The following HEATR1 variants were observed in gnomAD, a reference collection of about 807,000 sequenced individuals.
HEATR1 encodes the protein HEAT repeat-containing protein 1.
HEATR1 carries 77 observed loss-of-function variants against 248.2 expected under a neutral mutation model. That is an observed-to-expected ratio of 0.31 (90% confidence interval 0.26 to 0.37). The LOEUF (loss-of-function observed/expected upper bound fraction) is 0.37. Ranked by LOEUF, HEATR1 falls within the 10% of genes least tolerant of loss-of-function variation. The pLI, the probability that HEATR1 is intolerant of heterozygous loss-of-function variation, is 1.00. For synonymous variants in HEATR1, 897 were observed against 923.1 expected (o/e 0.97, Z 0.51); for missense variants, 2,420 against 2,504.9 (o/e 0.97, Z 0.72).
In HEATR1 at chr1:236,595,683, AG is replaced by A. The variant is rs776863990; in HGVS notation, c.957-11del. The A allele has an allele frequency of 1.1e-5, 18 of 1,608,876 alleles. No homozygotes were observed. In the East Asian group the frequency reaches 4.0e-4, roughly 36 times the overall value. ...TAAGTGAGGGAATGGCCTTTGAAGA[AG>A]CAAAAGTACATATCGTGTTGACTTT... On this transcript the variant is annotated splice_polypyrimidine_tract_variant and intron_variant, in intron 7 of 44. Transcript: ENST00000366582.
rs11338847 is a variant in HEATR1, at chr1:236,581,420, TAA to T, written c.2563-8_2563-7del. ...AAAACATCTTCTAGATGCACCTAAT[TAA>T]AAAAAAAAAAAAGCAAACTTTTAAT... On this transcript the variant is annotated splice_region_variant and splice_polypyrimidine_tract_variant and intron_variant, in intron 19 of 44. Coordinates refer to ENST00000366582, the MANE Select transcript of HEATR1 (RefSeq NM_018072.6). 0.012 allele frequency: 13,964 copies of T among 1,190,840 alleles called. 31 individuals are homozygous for T. The highest frequency in any genetic ancestry group is 0.044 in the African/African-American group (2,743 of 62,700). The allele number at this position is 1,190,840 out of a possible 1,614,324, so 73.8% of individuals were successfully genotyped here. A position where few individuals can be genotyped will look rare whatever the true frequency, so the allele number is the denominator to read the frequency against.
At chr1:236,579,067 T>C (rs1348924524) in intron 20 of HEATR1, among the ~76,000 whole-genome samples, 1 of 152,220 alleles carries the variant, frequency 6.6e-6, no homozygotes, top group Non-Finnish European at 1.5e-5. Context: ...TTGACAAGGT[T>C]TCAAACCTGC....
At chr1:236,593,216 AG>A (rs1408778722) in intron 9 of HEATR1, among the ~76,000 whole-genome samples, 2 of 151,978 alleles carry the variant, frequency 1.3e-5, no homozygotes, top group African/African-American at 2.4e-5. Flanking sequence ...AAAAAGGAAA[AG>A]AAACTAGAGT....
chr1:236,599,670 A>AAT (rs1261343426), intron 3 of HEATR1, 46 bp from the exon 4 acceptor site: 1 of 1,535,962 alleles, frequency 6.5e-7, no homozygotes, highest in East Asian at 2.3e-5. Flanking sequence ...AAACTTAATA[A>AAT]TAAGCACCTA....
At chr1:236,588,656 T>C (rs1663955774) in intron 12 of HEATR1, among the ~76,000 whole-genome samples, 1 of 152,242 alleles carries the variant, frequency 6.6e-6, no homozygotes. Context: ...TTTTTAAATA[T>C]AACAAATAAA....
intron 33 of HEATR1, among the ~76,000 whole-genome samples, chr1:236,560,706 GGAGA>G (rs1558179085): frequency 6.6e-6 from 1 of 152,166 alleles, no homozygotes; most frequent in African/African-American, 2.4e-5. Context: ...CGAGGACATG[GGAGA>G]GAAAGGAAAA....
Position 236,566,699 on chromosome 1 carries a change from G to C in HEATR1, c.4255C>G (p.Leu1419Val), listed in dbSNP as rs138927825. ...GTTTTTGTGACATACTGTTCAAAAA[G>C]CAAGATGAGGAGAATCCAGAGGAAT... is the stretch of plus-strand genomic sequence containing the variant. Reference protein sequence around the residue: ...EKFLWILLILLFEQYVTKTVL... With the variant: ...EKFLWILLILVFEQYVTKTVL... Residue 1419 changes from leucine (L) to valine (V), a missense_variant, in exon 30 of 45, where the codon CTT (leucine) becomes GTT (valine). Transcript: ENST00000366582. 2.0e-3 allele frequency: 3,218 copies of C among 1,614,078 alleles called. 7 individuals carry two copies. Among genetic ancestry groups the C allele is most frequent in the Non-Finnish European group, 2.4e-3 (2,802 of 1,179,992 alleles).
In HEATR1 at chr1:236,583,233, A is replaced by G. The variant is rs761490480; in HGVS notation, c.2242-37T>C. The G allele has an allele frequency of 3.9e-6, 6 of 1,532,752 alleles. No individual in the cohort carries two copies. The East Asian group carries it at 1.1e-4, about 29-fold the overall frequency. The allele number at this position is 1,532,752 out of a possible 1,614,324, so 94.9% of individuals were successfully genotyped here. A position where few individuals can be genotyped will look rare whatever the true frequency, so the allele number is the denominator to read the frequency against. On this transcript the variant is annotated intron_variant, in intron 17 of 44. Coordinates refer to ENST00000366582, the MANE Select transcript of HEATR1 (RefSeq NM_018072.6). ...AAGGAAACAAAAACTAGTACAAACTAAGGGTTCTGAACATGGGTTATATGA... is the reference window on the plus strand; with the variant it reads ...AAGGAAACAAAAACTAGTACAAACTGAGGGTTCTGAACATGGGTTATATGA...
intron 9 of HEATR1, among the ~76,000 whole-genome samples, chr1:236,592,921 G>C (rs1220285505): frequency 6.6e-6 from 1 of 152,140 alleles, no homozygotes; most frequent in African/African-American, 2.4e-5. Context: ...ATTTTAAATG[G>C]TGCTGGCTCA....
intron 20 of HEATR1, 60 bp from the exon 21 acceptor site, chr1:236,577,009 T>G: frequency 1.5e-6 from 2 of 1,313,942 alleles, no homozygotes; most frequent in Non-Finnish European, 2.1e-6. Flanking sequence ...CAGTACAAAA[T>G]TTACATAGTA....
Position 236,594,017 on chromosome 1 carries a change from C to T in HEATR1, c.1188G>A (p.Leu396=), listed in dbSNP as rs757701371. 1.3e-6 allele frequency: 2 copies of T among 1,573,888 alleles called. No individual in the cohort carries two copies. The highest frequency in any genetic ancestry group is 1.7e-6 in the Non-Finnish European group (2 of 1,161,396). The stretch of plus-strand genomic sequence containing the variant: ...TGTCAAAAATAATAGCTTACCTAGC[C>T]AACAAATGGTCTAAGTTGTTCTTCA... The part of the protein sequence containing the change: ...ISLKNNLDHL[L]ASLLFEEYIS... The change falls in exon 9 of 45, where the codon TTG becomes TTA. Residue 396 remains leucine (L), a synonymous_variant. Coordinates refer to ENST00000366582, the MANE Select transcript of HEATR1 (RefSeq NM_018072.6).
At chr1:236,589,581 G>C (rs187666221) in intron 12 of HEATR1, among the ~76,000 whole-genome samples, 1 of 152,242 alleles carries the variant, frequency 6.6e-6, no homozygotes, top group East Asian at 1.9e-4. Context: ...AGTGTGATTA[G>C]TTGTAATTAG....
At chr1:236,563,284 T>A (rs1231105932) in intron 32 of HEATR1, among the ~76,000 whole-genome samples, 2 of 152,128 alleles carry the variant, frequency 1.3e-5, no homozygotes, top group African/African-American at 4.8e-5. Context: ...TTTTTTTATT[T>A]TTTTTATTTT....
chr1:236,559,922 A>C, intron 33 of HEATR1, 85 bp from the exon 34 acceptor site: 7 of 1,357,014 alleles, frequency 5.2e-6, no homozygotes, highest in East Asian at 2.5e-5. Flanking sequence ...AAATGTTTCA[A>C]GTAGAAAGAC....
chr1:236,569,572 A>G (rs1663367210), intron 28 of HEATR1, among the ~76,000 whole-genome samples: 1 of 152,238 alleles, frequency 6.6e-6, no homozygotes, highest in Non-Finnish European at 1.5e-5. Context: ...AATTCATACG[A>G]AAAGAATATA....
intron 15 of HEATR1, 33 bp downstream of exon 15, chr1:236,586,208 C>T (rs1663879873): frequency 1.3e-6 from 2 of 1,513,944 alleles, no homozygotes; most frequent in South Asian, 2.4e-5. Context: ...GTTATCTGTT[C>T]ACTTTTTCTA....
At chr1:236,582,987 TAA>T in intron 18 of HEATR1, 24 bp downstream of exon 18, 1 of 1,610,892 alleles carries the variant, frequency 6.2e-7, no homozygotes, top group Non-Finnish European at 8.5e-7. Context: ...GTATCACATT[TAA>T]AAGATTCACA....
At chr1:236,566,957 T>C (rs942649636) in intron 29 of HEATR1, 81 bp from the exon 30 acceptor site, 130 of 866,656 alleles carry the variant, frequency 1.5e-4, no homozygotes, top group Non-Finnish European at 2.3e-4. Flanking sequence ...GATAAGGCTT[T>C]TAGATGGGCC....
At position 236,559,751 on chromosome 1, in the gene HEATR1, C is replaced by T. The variant is rs772902702; in HGVS notation, c.4733G>A (p.Arg1578His). ...NADKLTVKFW[R>H]ALLSKAYDLL... Reference sequence around the variant, plus strand: ...GTCGTAAGCTTTACTAAGGAGCGCGCGCCAGAACTTCACGGTGAGTTTGTC... The same window carrying T: ...GTCGTAAGCTTTACTAAGGAGCGCGTGCCAGAACTTCACGGTGAGTTTGTC... The change falls in exon 34 of 45, where the codon CGC becomes CAC. Residue 1578 changes from arginine to histidine, a missense_variant. By Grantham distance (29) the Arg-to-His change is conservative. Transcript: ENST00000366582. 5.0e-6 allele frequency: 8 copies of T among 1,614,032 alleles called. No individual in the cohort carries two copies. The highest frequency in any genetic ancestry group is 1.1e-5 in the South Asian group (1 of 91,074).
Sources: allele counts gnomAD v4.1 joint callset (sites outside exome capture counted in the v4.1 genomes callset), GRCh38; gene constraint gnomAD v4.1.1; transcripts MANE v1.5; gene names NCBI Gene and HGNC (gene_info 2026-07-23, HGNC 2026-07-21).